Variants in ARL5C observed in about 807,000 individuals in gnomAD.
ARL5C encodes the protein ARF like GTPase 5C, also known as putative ADP-ribosylation factor-like protein 5C.
ARL5C carries 21 observed loss-of-function variants against 20.8 expected under a neutral mutation model. That is an observed-to-expected ratio of 1.01 (90% CI 0.72 to 1.46). The LOEUF (loss-of-function observed/expected upper bound fraction) is 1.46. Ranked by LOEUF, ARL5C falls within the 40% of genes most tolerant of loss-of-function variation. The pLI is 0.00. For missense variants in ARL5C, 199 were observed against 225.1 expected, an observed-to-expected ratio of 0.88 and a Z score of 0.74; for synonymous variants, 71 against 81.6, an observed-to-expected ratio of 0.87 and a Z score of 0.70.
chr17:39,163,483 C>T (rs2045447734), intron 2 of ARL5C, among the ~76,000 whole-genome samples: 1 of 151,472 alleles, frequency 6.6e-6, no homozygotes, highest in African/African-American at 2.4e-5. Flanking sequence ...GATCATGTCT[C>T]CCAGGTTCAA....
rs1475793819 is a variant in ARL5C, at chr17:39,165,114, C to T, written c.72G>A (p.Leu24=). The T allele has an allele frequency of 6.4e-7, 1 of 1,551,698 alleles. No individual in the cohort carries two copies. Among genetic ancestry groups the T allele is most frequent in the South Asian group, 1.2e-5 (1 of 84,050 alleles). ...NQEHTVIIVG[L]DNEGKTTILY... Reference sequence around the variant, plus strand: ...GAATGGTGGTCTTTCCTTCATTGTCCAGTCCCACGATGATGACCGTGTGCT... The same window carrying T: ...GAATGGTGGTCTTTCCTTCATTGTCTAGTCCCACGATGATGACCGTGTGCT... Residue 24 remains leucine (L), a synonymous_variant, in exon 2 of 6, where the codon CTG becomes CTA. Transcript: ENST00000269586.
At chr17:39,165,468 G>A (rs1225294181) in intron 1 of ARL5C, 2 of 595,412 alleles carry the variant, frequency 3.4e-6, no homozygotes, top group Non-Finnish European at 5.9e-6. Context: ...CCCCATCCCC[G>A]CCGCTGGCTC....
At chr17:39,163,451 G>A (rs574707230) in intron 2 of ARL5C, among the ~76,000 whole-genome samples, 12 of 142,612 alleles carry the variant, frequency 8.4e-5, no homozygotes, top group Admixed American at 6.6e-4. Context: ...TCACTCTGTC[G>A]CCCAGTCTGG....
At chr17:39,160,495 A>G (rs893131880) in intron 5 of ARL5C, 96 bp downstream of exon 5, 21 of 1,450,592 alleles carry the variant, frequency 1.4e-5, no homozygotes, top group Non-Finnish European at 1.9e-5. Context: ...ACTGTGAACC[A>G]GATTCTCACA....
chr17:39,161,809 C>G (rs2045436856), intron 3 of ARL5C, among the ~76,000 whole-genome samples: 1 of 152,172 alleles, frequency 6.6e-6, no homozygotes, highest in Non-Finnish European at 1.5e-5. Flanking sequence ...TGCTGCCACA[C>G]CTGGCCTGTA....
At position 39,162,923 on chromosome 17, in the gene ARL5C, G is replaced by T. The variant is rs909595641; in HGVS notation, c.108-65C>A. On this transcript the variant is annotated intron_variant, in intron 2 of 5. Transcript: ENST00000269586. ...CTACTCCCAACTCTGGCCCCCAAATGCTCTACTCCCAAAGCAGTCTGAATC... is the reference window on the plus strand; with the variant it reads ...CTACTCCCAACTCTGGCCCCCAAATTCTCTACTCCCAAAGCAGTCTGAATC... 4 of 1,519,198 alleles carry T rather than the reference G, an allele frequency of 2.6e-6. No individual in the cohort carries two copies. The African/African-American group carries it at 4.1e-5, about 16-fold the overall frequency. The allele number at this position is 1,519,198 out of a possible 1,614,324, so 94.1% of individuals were successfully genotyped here.
At chr17:39,157,488 T>C (rs2045411064) in intron 5 of ARL5C, among the ~76,000 whole-genome samples, 1 of 151,742 alleles carries the variant, frequency 6.6e-6, no homozygotes, top group Non-Finnish European at 1.5e-5. Context: ...ACATGGGGGG[T>C]ACTTAGAAAA....
At chr17:39,164,879 G>A (rs1050849889) in intron 2 of ARL5C, 200 bp downstream of exon 2, 1 of 549,078 alleles carries the variant, frequency 1.8e-6, no homozygotes, top group Non-Finnish European at 3.2e-6. Context: ...GTGGGAGCTA[G>A]GGTTGCCTGT....
At chr17:39,159,226 C>T (rs1284444971) in intron 5 of ARL5C, among the ~76,000 whole-genome samples, 1 of 117,186 alleles carries the variant, frequency 8.5e-6, no homozygotes, top group Non-Finnish European at 1.7e-5. Context: ...TTTGTAAAGA[C>T]AGAGTCTCGC....
chr17:39,163,349 T>C (rs150478562), intron 2 of ARL5C, among the ~76,000 whole-genome samples: 21 of 93,450 alleles, frequency 2.2e-4, no homozygotes, highest in South Asian at 1.4e-3. Context: ...CTTTTGCCTT[T>C]CTTTCTTTCT....
chr17:39,157,036 G>A (rs2045409089), intron 5 of ARL5C, 94 bp from the exon 6 acceptor site: 1 of 1,354,728 alleles, frequency 7.4e-7, no homozygotes, highest in Non-Finnish European at 1.0e-6. Flanking sequence ...CTGGGTGCAG[G>A]AACCAAAGTT....
intron 5 of ARL5C, among the ~76,000 whole-genome samples, chr17:39,158,868 G>A (rs563469808): frequency 6.6e-6 from 1 of 151,734 alleles, no homozygotes; most frequent in South Asian, 2.1e-4. Flanking sequence ...TTGGAAATGG[G>A]GGTCTGGATA....
chr17:39,159,197 GTTTTTT>G (rs35119781), intron 5 of ARL5C, among the ~76,000 whole-genome samples: 11 of 97,280 alleles, frequency 1.1e-4, no homozygotes, highest in Admixed American at 8.7e-4. Flanking sequence ...ACATCCAGCG[GTTTTTT>G]TTTTTTTTTT....
chr17:39,165,045 A>G, intron 2 of ARL5C, 34 bp downstream of exon 2: 1 of 1,546,716 alleles, frequency 6.5e-7, no homozygotes, highest in Non-Finnish European at 8.8e-7. Flanking sequence ...TGGGAGGCCC[A>G]GCTCTCTACC....
chr17:39,158,623 A>C (rs1232175215), intron 5 of ARL5C, among the ~76,000 whole-genome samples: 2 of 151,954 alleles, frequency 1.3e-5, no homozygotes, highest in African/African-American at 4.8e-5. Flanking sequence ...CTCAAAAAAA[A>C]AAAAAAAGAT....
At position 39,161,362 on chromosome 17, in the gene ARL5C, G is replaced by A; in HGVS notation, c.256-11C>T. 1 of 1,551,766 alleles carries A rather than the reference G, an allele frequency of 6.4e-7. No homozygotes were observed. ...CACAAGGATGATAAACTGGGCAGCA[G>A]AGGGGAGCCGTGAGAGACAGGCTTT... is the stretch of plus-strand genomic sequence containing the variant. On this transcript the variant is annotated splice_polypyrimidine_tract_variant and intron_variant, in intron 3 of 5. Transcript: ENST00000269586.
At chr17:39,159,019 C>CTTTTTTTTTTT (rs1395516312) in intron 5 of ARL5C, among the ~76,000 whole-genome samples, 1 of 63,958 alleles carries the variant, frequency 1.6e-5, no homozygotes, top group African/African-American at 5.6e-5. Context: ...TCATTTATCA[C>CTTTTTTTTTTT]TTGTTTTTTT....
At chr17:39,160,778 T>C (rs2045430623) in intron 4 of ARL5C, 36 bp from the exon 5 acceptor site, 2 of 1,546,496 alleles carry the variant, frequency 1.3e-6, no homozygotes, top group South Asian at 1.2e-5. Flanking sequence ...GTCAGCCTGC[T>C]AGTGCCCAGC....
intron 4 of ARL5C, 36 bp downstream of exon 4, chr17:39,161,232 T>C: frequency 2.0e-6 from 3 of 1,536,420 alleles, no homozygotes; most frequent in Non-Finnish European, 2.6e-6. Context: ...ACACAGCTAG[T>C]ACCACTGGGC....
Sources: gnomAD v4.1 joint callset for allele counts (sites outside exome capture counted in the v4.1 genomes callset) on GRCh38, gnomAD v4.1.1 for gene constraint, MANE v1.5 for transcripts, NCBI Gene and HGNC (gene_info 2026-07-23, HGNC 2026-07-21) for gene names.